Variants in TMEM230 observed in about 807,000 individuals in gnomAD.
TMEM230 encodes transmembrane protein 230.
Under a neutral mutation model 15.8 loss-of-function variants are expected in TMEM230, and 10 were observed. The observed-to-expected ratio is 0.63, with a 90% CI of 0.39 to 1.07. The LOEUF is 1.07. Ranked by LOEUF, TMEM230 falls within the 50% of genes least tolerant of loss-of-function variation. TMEM230 has a pLI of 0.01. For missense variants in TMEM230, 165 were observed against 193.3 expected (o/e 0.85, Z 0.87); for synonymous variants, 67 against 76.9 (o/e 0.87, Z 0.68).
exon 4 of TMEM230, chr20:5,068,983 T>G: frequency 1.9e-6 from 1 of 527,698 alleles, no homozygotes; most frequent in Non-Finnish European, 3.4e-6. Context: ...ACAAGAGGAG[T>G]TGCATAGGGG....
chr20:5,067,140 T>C (rs1418936472), downstream of TMEM230: 1 of 152,028 alleles, frequency 6.6e-6, no homozygotes, highest in Non-Finnish European at 1.5e-5. Context: ...AGGGATCCTC[T>C]GCAGAGCTGG....
At chr20:5,104,553 A>C (rs985256897) in intron 4 of TMEM230, among the ~76,000 whole-genome samples, 1 of 152,250 alleles carries the variant, frequency 6.6e-6, no homozygotes, top group African/African-American at 2.4e-5. Flanking sequence ...TCAGTTTATC[A>C]AAGAGGTATC....
the TMEM230 span, among the ~76,000 whole-genome samples, chr20:5,060,577 T>C: frequency 1.3e-5 from 2 of 152,084 alleles, no homozygotes; most frequent in Admixed American, 6.6e-5. Context: ...GCTCAAGTGA[T>C]CTGCCTGCCT....
rs886430894 is a variant in TMEM230, at chr20:5,069,083, C to T, written c.*105G>A. On this transcript the variant is annotated 3_prime_UTR_variant, in exon 4 of 4. Coordinates refer to the TMEM230 transcript ENST00000612323. Reference sequence around the variant, plus strand: ...TCCTGCTCTTAGTAGGAGAAGCTCTCTGCTGCATTTTACAATCAGTCATTT... The same window carrying T: ...TCCTGCTCTTAGTAGGAGAAGCTCTTTGCTGCATTTTACAATCAGTCATTT... The T allele has an allele frequency of 3.0e-6, 3 of 996,662 alleles. No homozygotes were observed. In the Admixed American group the frequency reaches 8.1e-5, roughly 27 times the overall value. The allele number at this position is 996,662 out of a possible 1,614,324, so 61.7% of individuals were successfully genotyped here.
intron 1 of TMEM230, chr20:5,111,694 G>A (rs1024333069): frequency 1.0e-4 from 68 of 655,244 alleles, no homozygotes; most frequent in Middle Eastern, 8.4e-4. Flanking sequence ...AAAAGGACTA[G>A]TTTTTCTCTG....
downstream of TMEM230, chr20:5,067,355 G>C (rs1207654386): frequency 1.4e-5 from 2 of 146,094 alleles, no homozygotes; most frequent in East Asian, 4.0e-4. Context: ...AGGTGTCCTG[G>C]AACTGCCCAC....
At chr20:5,081,456 C>T (rs749722197) in intron 3 of TMEM230, among the ~76,000 whole-genome samples, 1 of 152,196 alleles carries the variant, frequency 6.6e-6, no homozygotes, top group Admixed American at 6.5e-5. Flanking sequence ...TCACGCACCC[C>T]GGCGGAGCAG....
downstream of TMEM230, among the ~76,000 whole-genome samples, chr20:5,098,169 G>A (rs1016103911): frequency 3.3e-5 from 5 of 151,416 alleles, no homozygotes; most frequent in Admixed American, 1.3e-4. Context: ...TAGAGATGGG[G>A]TTTCTCCATG....
intron 3 of TMEM230, among the ~76,000 whole-genome samples, chr20:5,092,670 G>A (rs138223103): frequency 1.8e-3 from 261 of 146,078 alleles, no homozygotes; most frequent in African/African-American, 6.1e-3. Flanking sequence ...AGCTGAGATC[G>A]CACCATTGTA....
At chr20:5,097,639 T>A (rs2011864), downstream of TMEM230, among the ~76,000 whole-genome samples, 104,604 of 151,964 alleles carry the variant, frequency 0.69, 36,828 homozygotes, top group East Asian at 0.84. Flanking sequence ...AATTTTTTTT[T>A]GTTTTATTAT....
chr20:5,109,266 A>AC, intron 3 of TMEM230, 66 bp downstream of exon 2: 1 of 1,293,802 alleles, frequency 7.7e-7, no homozygotes, highest in Non-Finnish European at 1.1e-6. Context: ...CTCCATCTGG[A>AC]AGGTCTTCCT....
chr20:5,094,240 A>G (rs967079776), intron 3 of TMEM230, among the ~76,000 whole-genome samples: 2 of 149,672 alleles, frequency 1.3e-5, no homozygotes, highest in African/African-American at 4.9e-5. Context: ...TACAGGCGTG[A>G]GCCACCGTAC....
intron 3 of TMEM230, among the ~76,000 whole-genome samples, chr20:5,093,922 C>G (rs1474452509): frequency 6.6e-6 from 1 of 151,712 alleles, no homozygotes; most frequent in African/African-American, 2.4e-5. Context: ...AAACTTGGAG[C>G]GATCAACAAA....
downstream of TMEM230, chr20:5,067,972 T>A (rs2088703919): frequency 6.6e-6 from 1 of 152,070 alleles, no homozygotes; most frequent in Non-Finnish European, 1.5e-5. Context: ...CTCACCGTTA[T>A]CCAGGCTGGT....
At chr20:5,077,177 T>G (rs2089030533) in intron 3 of TMEM230, among the ~76,000 whole-genome samples, 2 of 151,878 alleles carry the variant, frequency 1.3e-5, no homozygotes, top group Admixed American at 1.3e-4. Flanking sequence ...CATGGTGGCA[T>G]GTGCCTGTAG....
intron 3 of TMEM230, among the ~76,000 whole-genome samples, chr20:5,089,215 A>G (rs1272572559): frequency 1.3e-5 from 2 of 152,112 alleles, no homozygotes; most frequent in Non-Finnish European, 2.9e-5. Context: ...TCTACTAAAA[A>G]TACAAAAAAA....
intron 3 of TMEM230, among the ~76,000 whole-genome samples, chr20:5,088,219 G>A (rs565729277): frequency 8.1e-5 from 12 of 147,836 alleles, no homozygotes; most frequent in African/African-American, 3.0e-4. Context: ...TGACACAGGA[G>A]AATTGCTTGA....
chr20:5,112,388 T>C (rs1401881262), intron 1 of TMEM230, among the ~76,000 whole-genome samples: 1 of 152,222 alleles, frequency 6.6e-6, no homozygotes, highest in East Asian at 1.9e-4. Flanking sequence ...AAACTACCAG[T>C]ATGTGTGGTT....
At chr20:5,107,260 C>G (rs914442159) in intron 3 of TMEM230, among the ~76,000 whole-genome samples, 4 of 152,174 alleles carry the variant, frequency 2.6e-5, no homozygotes, top group Non-Finnish European at 5.9e-5. Flanking sequence ...GAGATTGCAC[C>G]ACTGCACTCC....
Sources: gnomAD v4.1 joint callset for allele counts (sites outside exome capture counted in the v4.1 genomes callset) on GRCh38, gnomAD v4.1.1 for gene constraint, MANE v1.5 for transcripts, NCBI Gene and HGNC (gene_info 2026-07-23, HGNC 2026-07-21) for gene names.